EYA4: variants seen among roughly 807,000 people sequenced by gnomAD.
EYA4 encodes the protein protein phosphatase EYA4.
EYA4 carries 31 observed loss-of-function variants against 87.9 expected under a neutral mutation model. The observed-to-expected ratio is 0.35, with a 90% CI of 0.27 to 0.48. The LOEUF (loss-of-function observed/expected upper bound fraction) is 0.48. EYA4 is among the 20% of genes least tolerant of loss of function. The pLI, the probability that EYA4 is intolerant of heterozygous loss-of-function variation, is 0.99. For missense variants in EYA4, 678 were observed against 761.4 expected (o/e 0.89, Z 1.29); for synonymous variants, 263 against 270.6 (o/e 0.97, Z 0.28).
At chr6:133,255,840 A>G (rs1465838125) in intron 1 of EYA4, among the ~76,000 whole-genome samples, 1 of 151,888 alleles carries the variant, frequency 6.6e-6, no homozygotes, top group Non-Finnish European at 1.5e-5. Context: ...TTGCTTCCAT[A>G]TTTTTACTAT....
At chr6:133,486,133 A>G (rs975023048) in intron 13 of EYA4, among the ~76,000 whole-genome samples, 1 of 152,226 alleles carries the variant, frequency 6.6e-6, no homozygotes, top group Non-Finnish European at 1.5e-5. Context: ...TTTTTAGGCT[A>G]TATTTTTTTT....
intron 10 of EYA4, among the ~76,000 whole-genome samples, chr6:133,468,293 C>G (rs902161133): frequency 2.0e-5 from 3 of 151,974 alleles, no homozygotes; most frequent in African/African-American, 4.8e-5. Flanking sequence ...AAGTAACTAT[C>G]AGGAGCAAAG....
intron 2 of EYA4, among the ~76,000 whole-genome samples, chr6:133,304,833 A>G (rs994375585): frequency 3.3e-5 from 5 of 152,220 alleles, no homozygotes; most frequent in African/African-American, 1.2e-4. Flanking sequence ...TTGGGAATAC[A>G]GCACTAAACG....
intron 13 of EYA4, among the ~76,000 whole-genome samples, chr6:133,500,634 C>T (rs571472082): frequency 6.6e-6 from 1 of 152,112 alleles, no homozygotes; most frequent in Admixed American, 6.5e-5. Context: ...CCACCAAATC[C>T]GTGCCTCCTA....
At chr6:133,426,612 G>T (rs1008178492) in intron 3 of EYA4, among the ~76,000 whole-genome samples, 1 of 152,072 alleles carries the variant, frequency 6.6e-6, no homozygotes, top group African/African-American at 2.4e-5. Context: ...CCACTGCCTG[G>T]CTTTCAAAAG....
intron 11 of EYA4, among the ~76,000 whole-genome samples, chr6:133,478,352 A>G (rs529951405): frequency 3.3e-5 from 5 of 152,160 alleles, no homozygotes; most frequent in Non-Finnish European, 7.4e-5. Flanking sequence ...AGACATGTAC[A>G]AGAATGTATA....
chr6:133,442,588 C>G (rs1391002671), intron 3 of EYA4, among the ~76,000 whole-genome samples: 1 of 151,838 alleles, frequency 6.6e-6, no homozygotes, highest in East Asian at 1.9e-4. Context: ...TATGAATTTC[C>G]CAGAATTTTC....
intron 2 of EYA4, among the ~76,000 whole-genome samples, chr6:133,332,366 T>G (rs1289861145): frequency 6.6e-6 from 1 of 152,210 alleles, no homozygotes; most frequent in African/African-American, 2.4e-5. Flanking sequence ...TCTGAAATCT[T>G]TAACAAGGCT....
chr6:133,364,477 T>C (rs1032980286), intron 2 of EYA4, among the ~76,000 whole-genome samples: 1 of 152,198 alleles, frequency 6.6e-6, no homozygotes, highest in African/African-American at 2.4e-5. Context: ...GAAGGACTTC[T>C]GATATCGAGG....
chr6:133,323,073 C>CGTGTGTGTGTGT (rs141727232), intron 2 of EYA4, among the ~76,000 whole-genome samples: 2 of 149,180 alleles, frequency 1.3e-5, no homozygotes, highest in African/African-American at 2.5e-5. Context: ...GTATAAAATC[C>CGTGTGTGTGTGT]GTGTGTGTGT....
intron 2 of EYA4, among the ~76,000 whole-genome samples, chr6:133,380,471 A>G (rs533602991): frequency 5.9e-5 from 9 of 152,090 alleles, no homozygotes; most frequent in Non-Finnish European, 1.2e-4. Context: ...AATGATAGGA[A>G]GCTTGTCTGT....
intron 2 of EYA4, among the ~76,000 whole-genome samples, chr6:133,342,385 C>T (rs546591585): frequency 2.7e-4 from 40 of 147,058 alleles, no homozygotes; most frequent in South Asian, 1.3e-3. Context: ...CAGAGTCCAG[C>T]CAAGTGGGCT....
intron 2 of EYA4, among the ~76,000 whole-genome samples, chr6:133,290,123 T>C (rs75418458): frequency 0.022 from 3,348 of 152,232 alleles, 124 homozygotes; most frequent in African/African-American, 0.076. Flanking sequence ...GTATATATAA[T>C]ATAAATGCAT....
intron 2 of EYA4, among the ~76,000 whole-genome samples, chr6:133,376,621 A>G (rs1583103805): frequency 6.6e-6 from 1 of 151,944 alleles, no homozygotes; most frequent in East Asian, 1.9e-4. Flanking sequence ...CTTATTTGCA[A>G]ACTTTTTTTA....
At chr6:133,262,310 C>G (rs1057443034) in intron 1 of EYA4, among the ~76,000 whole-genome samples, 1 of 152,222 alleles carries the variant, frequency 6.6e-6, no homozygotes, top group African/African-American at 2.4e-5. Flanking sequence ...TGACAGGCTA[C>G]AGGAGAGCCA....
At chr6:133,319,012 C>A (rs1780841500) in intron 2 of EYA4, among the ~76,000 whole-genome samples, 1 of 152,220 alleles carries the variant, frequency 6.6e-6, no homozygotes, top group East Asian at 1.9e-4. Flanking sequence ...TTCTGCTTAA[C>A]AGCCTGTCCA....
At position 133,522,184 on chromosome 6, in the gene EYA4, T is replaced by A. The variant is rs945464049; in HGVS notation, c.1617-872T>A. 6.9e-5 allele frequency among the ~76,000 whole-genome samples: 10 copies of A among 145,940 alleles called. No individual in the cohort carries two copies. In the East Asian group the frequency reaches 1.3e-3, roughly 18 times the overall value. ...TGGTAGAGTAGTTTTTTTTTTTTTT[T>A]AATTATACTTTAAGTTCTAGGGTAC... On this transcript the variant is annotated intron_variant, in intron 17 of 19. Coordinates refer to ENST00000355286, the MANE Select transcript of EYA4 (RefSeq NM_004100.5).
chr6:133,269,326 C>T lies in EYA4; in HGVS notation c.-65-5390C>T, dbSNP rs537888621. The stretch of plus-strand genomic sequence containing the variant: ...AACTTTCAGTGTGCTTGATAATCCA[C>T]CATATCCTATATACCCTCCCTTCCC... On this transcript the variant is annotated intron_variant, in intron 1 of 19. Coordinates refer to ENST00000355286, the MANE Select transcript of EYA4 (RefSeq NM_004100.5). 2.8e-4 allele frequency among the ~76,000 whole-genome samples: 43 copies of T among 152,248 alleles called. 1 individual carries two copies. The highest frequency in any genetic ancestry group is 1.0e-3 in the African/African-American group (42 of 41,540).
chr6:133,481,708 T>A (rs1796235354), intron 12 of EYA4, 109 bp downstream of exon 12: 1 of 1,278,886 alleles, frequency 7.8e-7, no homozygotes. Context: ...TCAAGATATA[T>A]CATGAATTGA....
Sources: gnomAD v4.1 joint callset for allele counts (sites outside exome capture counted in the v4.1 genomes callset) on GRCh38, gnomAD v4.1.1 for gene constraint, MANE v1.5 for transcripts, NCBI Gene and HGNC (gene_info 2026-07-23, HGNC 2026-07-21) for gene names.